The following PCDHGA8 variants were observed in gnomAD, a reference collection of about 807,000 sequenced individuals.
PCDHGA8 encodes the protein protocadherin gamma subfamily A, 8, also known as protocadherin gamma-A8.
PCDHGA8 carries 45 observed loss-of-function variants against 59.2 expected under a neutral mutation model. That is an observed-to-expected ratio of 0.76 (90% CI 0.60 to 0.98). PCDHGA8 has a LOEUF of 0.98. Ranked by LOEUF, PCDHGA8 falls within the 50% of genes least tolerant of loss-of-function variation. The pLI, the probability that PCDHGA8 is intolerant of heterozygous loss-of-function variation, is 0.00. For missense variants in PCDHGA8, 1,257 were observed against 1,196.2 expected, an observed-to-expected ratio of 1.05 and a Z score of -0.75; for synonymous variants, 531 against 519.0, an observed-to-expected ratio of 1.02 and a Z score of -0.32.
intron 1 of PCDHGA8, chr5:141,430,625 G>T: frequency 1.3e-6 from 1 of 788,104 alleles, no homozygotes; most frequent in Non-Finnish European, 1.9e-6. Context: ...AGCTAGGAAT[G>T]AACCATCCCT....
At position 141,476,356 on chromosome 5, in the gene PCDHGA8, C is replaced by T. The variant is rs757679991; in HGVS notation, c.2425-18451C>T. The stretch of plus-strand genomic sequence containing the variant: ...CTAGCCGAAGATTCTTTGAGGTGAA[C>T]CGGGAGACCGGAGAGATGTTTGTGA... On this transcript the variant is annotated intron_variant, in intron 1 of 3. Coordinates refer to ENST00000398604, the MANE Select transcript of PCDHGA8 (RefSeq NM_032088.2). This position sits in a 1 kb window ranked among gnomAD's most constrained non-coding sequence, Gnocchi z 7.6. 6 of 1,613,958 alleles carry T rather than the reference C, an allele frequency of 3.7e-6. No individual in the cohort carries two copies. The African/African-American group carries it at 4.0e-5, about 11-fold the overall frequency.
At position 141,491,700 on chromosome 5, in the gene PCDHGA8, G is replaced by A. The variant is rs1199177466; in HGVS notation, c.2425-3107G>A. 3.1e-6 allele frequency: 5 copies of A among 1,611,830 alleles called. No homozygotes were observed. The highest frequency in any genetic ancestry group is 4.2e-6 in the Non-Finnish European group (5 of 1,179,142). On this transcript the variant is annotated intron_variant, in intron 1 of 3. Coordinates refer to ENST00000398604, the MANE Select transcript of PCDHGA8 (RefSeq NM_032088.2). The surrounding 1 kb of genome is among the most constrained non-coding windows in gnomAD (Gnocchi z 6.9). ...CTAATACGCTGCGGGAGCGGAGCCA[G>A]GTGAGGGGCTCGGCGCCGCCCCGGG...
intron 1 of PCDHGA8, among the ~76,000 whole-genome samples, chr5:141,433,805 C>T (rs1325364387): frequency 1.3e-5 from 2 of 150,004 alleles, no homozygotes; most frequent in South Asian, 4.2e-4. Flanking sequence ...CCATTGCACT[C>T]CAGCCTGGGC....
At chr5:141,454,811 T>TTTTTA (rs1284435092) in intron 1 of PCDHGA8, among the ~76,000 whole-genome samples, 4 of 125,862 alleles carry the variant, frequency 3.2e-5, no homozygotes, top group African/African-American at 1.3e-4. Context: ...TTTTTTTTTT[T>TTTTTA]TTTTTTTTTT....
chr5:141,486,474 C>G lies in PCDHGA8; in HGVS notation c.2425-8333C>G. ...ACTGCTTCTGATGCTGGGAACCCTC[C>G]TCTCAGTACCCACAGAACTATTTTC... On this transcript the variant is annotated intron_variant, in intron 1 of 3. Transcript: ENST00000398604. The surrounding 1 kb of genome is among the most constrained non-coding windows in gnomAD (Gnocchi z 5.0). The G allele has an allele frequency of 6.2e-7, 1 of 1,614,016 alleles. No individual in the cohort carries two copies. Among genetic ancestry groups the G allele is most frequent in the Non-Finnish European group, 8.5e-7 (1 of 1,179,822 alleles).
chr5:141,399,658 T>G (rs766038311), intron 1 of PCDHGA8: 22 of 1,613,572 alleles, frequency 1.4e-5, no homozygotes, highest in South Asian at 4.4e-5. Flanking sequence ...TGGGGTGGTG[T>G]TCGCGCAGCG....
chr5:141,413,351 C>A (rs774333807), intron 1 of PCDHGA8: 6 of 1,613,932 alleles, frequency 3.7e-6, no homozygotes, highest in South Asian at 1.1e-5. Flanking sequence ...TTGGGTCTGG[C>A]GCCCCGGGAG....
chr5:141,443,167 C>T (rs745545091), intron 1 of PCDHGA8, among the ~76,000 whole-genome samples: 4 of 152,084 alleles, frequency 2.6e-5, no homozygotes, highest in Non-Finnish European at 5.9e-5. Flanking sequence ...TTTCCCTACC[C>T]ATGTCCACTG....
intron 1 of PCDHGA8, among the ~76,000 whole-genome samples, chr5:141,447,542 T>G (rs980012061): frequency 1.3e-5 from 2 of 152,216 alleles, no homozygotes; most frequent in African/African-American, 4.8e-5. Context: ...TGGGTTTTAA[T>G]GTTATGAGTA....
intron 1 of PCDHGA8, among the ~76,000 whole-genome samples, chr5:141,469,315 G>A (rs1160946697): frequency 6.6e-6 from 1 of 151,866 alleles, no homozygotes; most frequent in African/African-American, 2.4e-5. Flanking sequence ...GATGGCTCAC[G>A]CCTGTAATCC....
chr5:141,422,140 C>T (rs1275997338), intron 1 of PCDHGA8: 15 of 1,586,774 alleles, frequency 9.5e-6, no homozygotes, highest in Non-Finnish European at 1.3e-5. Flanking sequence ...AGTTCAAGTA[C>T]GGGGGTCTCT....
In PCDHGA8 at chr5:141,489,522, C is replaced by T. The variant is rs371948070; in HGVS notation, c.2425-5285C>T. 2.5e-6 allele frequency: 4 copies of T among 1,614,088 alleles called. No individual in the cohort carries two copies. Among genetic ancestry groups the T allele is most frequent in the Non-Finnish European group, 3.4e-6 (4 of 1,180,036 alleles). On this transcript the variant is annotated intron_variant, in intron 1 of 3. Coordinates refer to ENST00000398604, the MANE Select transcript of PCDHGA8 (RefSeq NM_032088.2). The surrounding 1 kb of genome is among the most constrained non-coding windows in gnomAD (Gnocchi z 4.5). ...TGAATCAAAAGATTGACCGAGAAAG[C>T]CTATGTGGAGCCAGCACCAGCTGCC...
chr5:141,483,501 G>T (rs1022338958), intron 1 of PCDHGA8, among the ~76,000 whole-genome samples: 1 of 150,394 alleles, frequency 6.6e-6, no homozygotes, highest in Non-Finnish European at 1.5e-5. Flanking sequence ...ATGAGTCAAG[G>T]CTGATCCCCC....
At chr5:141,471,860 A>G (rs1470502617) in intron 1 of PCDHGA8, among the ~76,000 whole-genome samples, 1 of 152,202 alleles carries the variant, frequency 6.6e-6, no homozygotes, top group Non-Finnish European at 1.5e-5. Flanking sequence ...AAAAAGCAAA[A>G]CTGTGGTTGC....
Position 141,393,224 on chromosome 5 carries a change from T to C in PCDHGA8, c.411T>C (p.Asp137=). 6.2e-7 allele frequency: 1 copy of C among 1,613,670 alleles called. No individual in the cohort carries two copies. Among genetic ancestry groups the C allele is most frequent in the South Asian group, 1.1e-5 (1 of 91,084 alleles). Residue 137 remains aspartate, a synonymous_variant, in exon 1 of 4, where the codon GAT becomes GAC. Coordinates refer to ENST00000398604, the MANE Select transcript of PCDHGA8 (RefSeq NM_032088.2). Reference sequence around the variant, plus strand: ...ATAACCCAAAATTCCAGGTCGAAGATCTAGAAGTAAAAATTAACGAAATCG... The same window carrying C: ...ATAACCCAAAATTCCAGGTCGAAGACCTAGAAGTAAAAATTAACGAAATCG... ...NDNNPKFQVE[D]LEVKINEIAV... is the part of the protein sequence containing the mutation.
At chr5:141,404,360 TC>T (rs780435528) in intron 1 of PCDHGA8, 1 of 1,613,900 alleles carries the variant, frequency 6.2e-7, no homozygotes. Context: ...CAGAGGTACT[TC>T]CATCTTCTCC....
chr5:141,418,914 T>C (rs1200050684), intron 1 of PCDHGA8: 4 of 1,613,964 alleles, frequency 2.5e-6, no homozygotes, highest in East Asian at 2.2e-5. Context: ...ATCACGTCAC[T>C]CTCTGATCAG....
Position 141,410,050 on chromosome 5 carries a change from C to T in PCDHGA8, c.2424+14813C>T, listed in dbSNP as rs762077790. ...TGCTGCAGGCCAGTGAGCCCGGACT[C>T]TTCAGCCTGGGGCTGCGCACTGGGG... On this transcript the variant is annotated intron_variant, in intron 1 of 3. Coordinates refer to ENST00000398604, the MANE Select transcript of PCDHGA8 (RefSeq NM_032088.2). The T allele has an allele frequency of 6.2e-6, 10 of 1,613,180 alleles. No homozygotes were observed. In the East Asian group the frequency reaches 1.6e-4, roughly 25 times the overall value.
intron 1 of PCDHGA8, among the ~76,000 whole-genome samples, chr5:141,430,390 A>G (rs1231067120): frequency 6.6e-6 from 1 of 152,216 alleles, no homozygotes; most frequent in Non-Finnish European, 1.5e-5. Flanking sequence ...TGGGAAAAAA[A>G]AAAAAAGCTC....
Sources: gnomAD v4.1 joint callset for allele counts (sites outside exome capture counted in the v4.1 genomes callset) on GRCh38, gnomAD v4.1.1 for gene constraint, Gnocchi (gnomAD v3.1) non-coding constraint, MANE v1.5 for transcripts, NCBI Gene and HGNC (gene_info 2026-07-23, HGNC 2026-07-21) for gene names.